The following RIMS2 variants were observed in gnomAD, a reference collection of about 807,000 sequenced individuals.
RIMS2 encodes regulating synaptic membrane exocytosis protein 2.
In RIMS2, 59 loss-of-function variants were observed where a neutral mutation model predicts 174.4. The ratio of observed to expected loss-of-function variants is 0.34; its 90% confidence interval spans 0.27 to 0.42. The LOEUF is 0.42. RIMS2 is among the 10% of genes least tolerant of loss of function. RIMS2 has a pLI of 1.00. For missense variants in RIMS2, 1,620 were observed against 1,666.3 expected (o/e 0.97, Z 0.48); for synonymous variants, 606 against 572.5 (o/e 1.06, Z -0.84).
At chr8:103,929,562 G>GGGT (rs565577031) in intron 11 of RIMS2, among the ~76,000 whole-genome samples, 2,741 of 151,546 alleles carry the variant, frequency 0.018, 31 homozygotes, top group Non-Finnish European at 0.029. Flanking sequence ...CTCAGAGAAA[G>GGGT]CTTTTTAATG....
At chr8:103,879,312 G>A (rs1390263904) in intron 3 of RIMS2, among the ~76,000 whole-genome samples, 1 of 151,356 alleles carries the variant, frequency 6.6e-6, no homozygotes, top group African/African-American at 2.4e-5. Context: ...CTCACTGAGG[G>A]GGTAAAAGTG....
chr8:104,208,223 A>G (rs2137482911), intron 19 of RIMS2, among the ~76,000 whole-genome samples: 3 of 152,314 alleles, frequency 2.0e-5, no homozygotes, highest in Middle Eastern at 6.8e-3. Flanking sequence ...ACTGACCTTT[A>G]AGTAGTTCTT....
chr8:104,086,567 A>T (rs1288626571), intron 19 of RIMS2, among the ~76,000 whole-genome samples: 1 of 152,118 alleles, frequency 6.6e-6, no homozygotes, highest in Non-Finnish European at 1.5e-5. Context: ...ACTGGCAATA[A>T]TTCTTCCTCT....
At chr8:104,172,767 G>A (rs1586525786) in intron 19 of RIMS2, among the ~76,000 whole-genome samples, 1 of 152,226 alleles carries the variant, frequency 6.6e-6, no homozygotes, top group Non-Finnish European at 1.5e-5. Context: ...AGATGTAGAA[G>A]AGGATATGAC....
chr8:103,615,148 C>T lies in RIMS2; in HGVS notation c.177-81938C>T, dbSNP rs552676896. 2.6e-5 allele frequency among the ~76,000 whole-genome samples: 4 copies of T among 152,262 alleles called. No individual in the cohort carries two copies. In the East Asian group the frequency reaches 7.7e-4, roughly 29 times the overall value. On this transcript the variant is annotated intron_variant, in intron 1 of 23. Coordinates refer to ENST00000504942, the Ensembl canonical transcript of RIMS2. Reference sequence around the variant, plus strand: ...ACATAATTGGACATAAAACAATCCTCAGCAAATGTAAAAGAACTGAAATAA... The same window carrying T: ...ACATAATTGGACATAAAACAATCCTTAGCAAATGTAAAAGAACTGAAATAA...
At chr8:103,786,101 G>C (rs1592310859) in intron 3 of RIMS2, among the ~76,000 whole-genome samples, 2 of 152,104 alleles carry the variant, frequency 1.3e-5, no homozygotes, top group African/African-American at 4.8e-5. Context: ...GTATTTCTGT[G>C]GGATTGGTGG....
intron 19 of RIMS2, among the ~76,000 whole-genome samples, chr8:104,038,569 G>T (rs757577184): frequency 4.6e-5 from 7 of 151,870 alleles, no homozygotes; most frequent in Non-Finnish European, 8.8e-5. Context: ...CTGTGGCATG[G>T]TAATGAGAAA....
intron 1 of RIMS2, among the ~76,000 whole-genome samples, chr8:103,684,915 C>G (rs904606029): frequency 1.3e-5 from 2 of 152,038 alleles, no homozygotes; most frequent in Non-Finnish European, 2.9e-5. Flanking sequence ...TTAAAGAAAT[C>G]TTTTCCTAAC....
At chr8:103,790,672 T>C (rs984920821) in intron 3 of RIMS2, among the ~76,000 whole-genome samples, 2 of 152,218 alleles carry the variant, frequency 1.3e-5, no homozygotes, top group Admixed American at 1.3e-4. Context: ...TGACCAGTGA[T>C]GTTGAGCATC....
At chr8:103,720,958 G>T (rs1158818574) in intron 2 of RIMS2, among the ~76,000 whole-genome samples, 2 of 152,198 alleles carry the variant, frequency 1.3e-5, no homozygotes, top group African/African-American at 4.8e-5. Flanking sequence ...ATTCGGATTT[G>T]TATCCCTGCT....
chr8:104,230,313 AG>A (rs34279201), intron 19 of RIMS2, among the ~76,000 whole-genome samples: 27,944 of 150,772 alleles, frequency 0.19, 2,851 homozygotes, highest in Non-Finnish European at 0.23. Flanking sequence ...TGTTTAAATG[AG>A]ACTAAAAGGA....
chr8:103,546,783 C>A (rs558561300), intron 1 of RIMS2, among the ~76,000 whole-genome samples: 2 of 152,296 alleles, frequency 1.3e-5, no homozygotes, highest in East Asian at 1.9e-4. Flanking sequence ...TGGCTGTTCT[C>A]CCTGAGTCCC....
intron 19 of RIMS2, chr8:104,148,619 C>G (rs1330906110): frequency 7.5e-6 from 12 of 1,597,416 alleles, no homozygotes; most frequent in Non-Finnish European, 1.0e-5. Flanking sequence ...TCTTTACATC[C>G]AAAATGCAAA....
intron 19 of RIMS2, among the ~76,000 whole-genome samples, chr8:104,180,228 C>A (rs1324946450): frequency 6.6e-6 from 1 of 151,674 alleles, no homozygotes; most frequent in Non-Finnish European, 1.5e-5. Flanking sequence ...AGGGCATGCC[C>A]ATTTTTAATT....
At chr8:104,035,976 A>G (rs1353389983) in intron 19 of RIMS2, among the ~76,000 whole-genome samples, 1 of 152,116 alleles carries the variant, frequency 6.6e-6, no homozygotes, top group Non-Finnish European at 1.5e-5. Flanking sequence ...GTAACCATGA[A>G]GTGAAATTTC....
intron 1 of RIMS2, among the ~76,000 whole-genome samples, chr8:103,644,138 T>G (rs1248631821): frequency 6.6e-6 from 1 of 151,888 alleles, no homozygotes; most frequent in African/African-American, 2.4e-5. Context: ...CCCGTAAGAC[T>G]GAGAAACTAA....
chr8:103,547,267 T>C (rs1845554221), intron 1 of RIMS2, among the ~76,000 whole-genome samples: 1 of 152,154 alleles, frequency 6.6e-6, no homozygotes, highest in Non-Finnish European at 1.5e-5. Flanking sequence ...AGAAGAGAGA[T>C]TCCTTCTCTA....
intron 4 of RIMS2, among the ~76,000 whole-genome samples, chr8:103,889,784 C>T (rs1031918244): frequency 2.0e-5 from 3 of 151,766 alleles, no homozygotes; most frequent in African/African-American, 7.3e-5. Flanking sequence ...GAGTTTCACT[C>T]AAATTTATAA....
chr8:104,181,928 G>A (rs902676011), intron 19 of RIMS2, among the ~76,000 whole-genome samples: 2 of 151,552 alleles, frequency 1.3e-5, no homozygotes, highest in Admixed American at 6.6e-5. Context: ...TACTACTCAA[G>A]GCAAATGTTA....
Sources: allele counts gnomAD v4.1 joint callset (sites outside exome capture counted in the v4.1 genomes callset), GRCh38; gene constraint gnomAD v4.1.1; transcripts MANE v1.5; gene names NCBI Gene and HGNC (gene_info 2026-07-23, HGNC 2026-07-21).